TMEM135: variants seen among roughly 807,000 people sequenced by gnomAD.
TMEM135 encodes the protein transmembrane protein 135.
In TMEM135, 30 loss-of-function variants were observed where a neutral mutation model predicts 60.3. The observed-to-expected ratio is 0.50, with a 90% CI of 0.37 to 0.68. TMEM135 has a LOEUF of 0.68. Among genes scored for constraint, TMEM135 ranks in the 30% least tolerant of loss-of-function variants. The probability of loss-of-function intolerance (pLI) is 0.00; values close to 1 mark genes in which losing one functional copy is unlikely to be tolerated. For missense variants in TMEM135, 468 were observed against 548.8 expected (o/e 0.85, Z 1.47); for synonymous variants, 190 against 186.7 (o/e 1.02, Z -0.14).
At chr11:87,307,380 C>CAAAA (rs5793247) in intron 9 of TMEM135, among the ~76,000 whole-genome samples, 1 of 137,926 alleles carries the variant, frequency 7.3e-6, no homozygotes, top group African/African-American at 2.7e-5. Context: ...TTAAAGTGGC[C>CAAAA]AAAAAAAAAA....
At chr11:87,184,375 T>C (rs933057756) in intron 5 of TMEM135, among the ~76,000 whole-genome samples, 1 of 152,182 alleles carries the variant, frequency 6.6e-6, no homozygotes, top group Non-Finnish European at 1.5e-5. Flanking sequence ...AATGTTGGTC[T>C]GGGAAAAATG....
In TMEM135 at chr11:87,325,486, T is replaced by G. The variant is rs1391159374; in HGVS notation, c.*4153T>G. On this transcript the variant is annotated 3_prime_UTR_variant, in exon 15 of 15. Transcript: ENST00000305494. Reference sequence around the variant, plus strand: ...GAAATTATTCTGTTGCTGTTTTATGTGGGCTCTCTCTCTCTCCCTCTCTCT... The same window carrying G: ...GAAATTATTCTGTTGCTGTTTTATGGGGGCTCTCTCTCTCTCCCTCTCTCT... 2.2e-6 allele frequency: 1 copy of G among 453,840 alleles called. No individual in the cohort carries two copies. The highest frequency in any genetic ancestry group is 4.4e-6 in the Non-Finnish European group (1 of 226,692). The allele number at this position is 453,840 out of a possible 1,614,324, so 28.1% of individuals were successfully genotyped here.
At chr11:87,047,446 C>T (rs893290226) in intron 1 of TMEM135, among the ~76,000 whole-genome samples, 7 of 151,326 alleles carry the variant, frequency 4.6e-5, no homozygotes, top group African/African-American at 1.7e-4. Context: ...TGGGCGCAGG[C>T]CAGTGTGTGC....
chr11:87,242,595 A>T lies in TMEM135; in HGVS notation c.509+5911A>T, dbSNP rs1435987393. ...TGTGGTTTTGATTTGCATTTCTCTG[A>T]TGGCCAGTGATGATGAGCATTTTTT... is the stretch of plus-strand genomic sequence containing the variant. On this transcript the variant is annotated intron_variant, in intron 6 of 14. Coordinates refer to ENST00000305494, the MANE Select transcript of TMEM135 (RefSeq NM_022918.4). Among the ~76,000 whole-genome samples, 4 of 117,572 alleles carry T rather than the reference A, an allele frequency of 3.4e-5. No individual in the cohort carries two copies. In the East Asian group the frequency reaches 8.1e-4, roughly 24 times the overall value. 77.1% of individuals were successfully genotyped at this position (117,572 alleles called of 152,430 possible).
At chr11:87,206,921 A>G (rs573719341) in intron 5 of TMEM135, among the ~76,000 whole-genome samples, 1 of 152,174 alleles carries the variant, frequency 6.6e-6, no homozygotes, top group Non-Finnish European at 1.5e-5. Context: ...TGTATTGGTC[A>G]GAATATCCTG....
rs568341326 is a variant in TMEM135 at position 87,196,785 on chromosome 11, C to T, written c.462+39379C>T. Among the ~76,000 whole-genome samples, 13 of 152,194 alleles carry T rather than the reference C, an allele frequency of 8.5e-5. No homozygotes were observed. In the South Asian group the frequency reaches 2.5e-3, roughly 29 times the overall value. ...GAAAACATGAACTTTCAGACTTTAA[C>T]GCATAATCTTCCAAGTGGGATAATC... On this transcript the variant is annotated intron_variant, in intron 5 of 14. Transcript: ENST00000305494.
chr11:87,086,459 T>C (rs1857098151), intron 3 of TMEM135, among the ~76,000 whole-genome samples: 1 of 152,086 alleles, frequency 6.6e-6, no homozygotes, highest in African/African-American at 2.4e-5. Flanking sequence ...ATGCTGATAA[T>C]TTGAAGGGTG....
At chr11:87,064,444 C>T (rs1856608467) in intron 1 of TMEM135, among the ~76,000 whole-genome samples, 1 of 152,132 alleles carries the variant, frequency 6.6e-6, no homozygotes, top group Non-Finnish European at 1.5e-5. Flanking sequence ...GCCATTGATA[C>T]AGTCAAAATA....
chr11:87,131,334 C>T (rs1004446427), intron 4 of TMEM135, among the ~76,000 whole-genome samples: 7 of 61,432 alleles, frequency 1.1e-4, no homozygotes, highest in Non-Finnish European at 1.8e-4. Flanking sequence ...AGTTTCACTG[C>T]CCTGAAAATC....
chr11:87,107,236 G>T (rs1024250762), intron 4 of TMEM135, among the ~76,000 whole-genome samples: 28 of 151,888 alleles, frequency 1.8e-4, no homozygotes, highest in African/African-American at 6.5e-4. Context: ...TTTCTTTTAG[G>T]TTATATAATT....
intron 4 of TMEM135, among the ~76,000 whole-genome samples, chr11:87,125,133 A>G (rs1273578318): frequency 6.6e-6 from 1 of 152,082 alleles, no homozygotes; most frequent in African/African-American, 2.4e-5. Flanking sequence ...ATCTCAAGCT[A>G]ACCAAATTGA....
intron 6 of TMEM135, among the ~76,000 whole-genome samples, chr11:87,286,418 C>A (rs1005411694): frequency 6.6e-6 from 1 of 152,250 alleles, no homozygotes; most frequent in African/African-American, 2.4e-5. Flanking sequence ...CATAAAAGTT[C>A]TCCAAGTCCC....
At chr11:87,067,277 G>T (rs1358607836) in intron 1 of TMEM135, among the ~76,000 whole-genome samples, 2 of 149,440 alleles carry the variant, frequency 1.3e-5, no homozygotes, top group Non-Finnish European at 3.0e-5. Flanking sequence ...ATAACTGAAT[G>T]AATTTCTCTG....
chr11:87,177,603 C>T (rs777277636), intron 5 of TMEM135, among the ~76,000 whole-genome samples: 1 of 152,098 alleles, frequency 6.6e-6, no homozygotes, highest in African/African-American at 2.4e-5. Context: ...TTCTATCACT[C>T]TAAAAAATAT....
At chr11:87,067,563 AG>A (rs1856691001) in intron 1 of TMEM135, 130 bp from the exon 2 acceptor site, 2 of 1,183,372 alleles carry the variant, frequency 1.7e-6, no homozygotes, top group African/African-American at 3.1e-5. Context: ...TTTTTATAGA[AG>A]ATCCAGTGAA....
Position 87,327,053 on chromosome 11 carries a change from C to G in TMEM135, c.*5720C>G, listed in dbSNP as rs1565175636. The G allele has an allele frequency of 2.2e-6, 1 of 453,760 alleles. No individual in the cohort carries two copies. Among genetic ancestry groups the G allele is most frequent in the Non-Finnish European group, 4.4e-6 (1 of 226,766 alleles). 28.1% of individuals were successfully genotyped at this position (453,760 alleles called of 1,614,324 possible). A position where few individuals can be genotyped will look rare whatever the true frequency, so the allele number is the denominator to read the frequency against. ...ACACTGATGTTGTTTAAGACAGTTA[C>G]ATGCCTAGCCCCAGGGATGAATCAT... On this transcript the variant is annotated 3_prime_UTR_variant, in exon 15 of 15. Coordinates refer to ENST00000305494, the MANE Select transcript of TMEM135 (RefSeq NM_022918.4).
rs534909524 is a variant in TMEM135, at chr11:87,203,032, CAAAAAA to C, written c.463-33585_463-33580del. ...TGGGCGACAGAGTGAGACTCCGTCTCAAAAAAAAAAAAAAAAAAAAAAAAAAGCAGT... is the reference window on the plus strand; with the variant it reads ...TGGGCGACAGAGTGAGACTCCGTCTCAAAAAAAAAAAAAAAAAAAAGCAGT... On this transcript the variant is annotated intron_variant, in intron 5 of 14. Coordinates refer to ENST00000305494, the MANE Select transcript of TMEM135 (RefSeq NM_022918.4). 4.2e-4 allele frequency among the ~76,000 whole-genome samples: 14 copies of C among 33,592 alleles called. 1 individual carries two copies. The highest frequency in any genetic ancestry group is 9.6e-4 in the African/African-American group (11 of 11,420). 22.0% of individuals were successfully genotyped at this position (33,592 alleles called of 152,430 possible).
intron 6 of TMEM135, among the ~76,000 whole-genome samples, chr11:87,262,602 T>C (rs1021218754): frequency 2.6e-5 from 4 of 152,196 alleles, no homozygotes; most frequent in African/African-American, 9.6e-5. Flanking sequence ...CTTCCTGTTA[T>C]ATTGTTGTAT....
intron 2 of TMEM135, 149 bp downstream of exon 2, chr11:87,067,970 G>T: frequency 1.0e-6 from 1 of 963,002 alleles, no homozygotes; most frequent in Non-Finnish European, 1.6e-6. Context: ...ATGAAAGCTT[G>T]TAAAACCAGG....
Sources: allele counts gnomAD v4.1 joint callset (sites outside exome capture counted in the v4.1 genomes callset), GRCh38; gene constraint gnomAD v4.1.1; transcripts MANE v1.5; gene names NCBI Gene and HGNC (gene_info 2026-07-23, HGNC 2026-07-21).